Variants in EMILIN2 observed in about 807,000 individuals in gnomAD.
The protein encoded by EMILIN2 is EMILIN-2.
Under a neutral mutation model 87.1 loss-of-function variants are expected in EMILIN2, and 71 were observed. That is an observed-to-expected ratio of 0.82 (90% CI 0.67 to 0.99). The LOEUF is 0.99. Ranked by LOEUF, EMILIN2 falls within the 50% of genes least tolerant of loss-of-function variation. The pLI, the probability that EMILIN2 is intolerant of heterozygous loss-of-function variation, is 0.00. For synonymous variants in EMILIN2, 581 were observed against 563.4 expected, an observed-to-expected ratio of 1.03 and a Z score of -0.44; for missense variants, 1,407 against 1,371.8, an observed-to-expected ratio of 1.03 and a Z score of -0.40.
At chr18:2,906,402 G>GT (rs1382993827) in intron 4 of EMILIN2, 1 of 163,868 alleles carries the variant, frequency 6.1e-6, no homozygotes, top group Non-Finnish European at 1.3e-5. Flanking sequence ...GTGTGGTTCA[G>GT]AGACGGTGCG....
At chr18:2,907,476 G>A (rs936787804) in intron 5 of EMILIN2, among the ~76,000 whole-genome samples, 2 of 152,226 alleles carry the variant, frequency 1.3e-5, no homozygotes, top group Non-Finnish European at 2.9e-5. Flanking sequence ...ACGGGCTTCG[G>A]GACTTGGGGC....
intron 4 of EMILIN2, among the ~76,000 whole-genome samples, chr18:2,901,270 TCTC>T (rs1280159989): frequency 1.3e-5 from 2 of 152,142 alleles, no homozygotes; most frequent in Admixed American, 6.5e-5. Context: ...TTTCCCCAGG[TCTC>T]CTCCTGCAGC....
chr18:2,862,298 C>A (rs1386429304), intron 2 of EMILIN2, among the ~76,000 whole-genome samples: 2 of 152,168 alleles, frequency 1.3e-5, no homozygotes, highest in Non-Finnish European at 2.9e-5. Flanking sequence ...GAGAGGGCAT[C>A]CCTGTCTTGT....
chr18:2,871,472 G>A (rs1040130235), intron 2 of EMILIN2, among the ~76,000 whole-genome samples: 30 of 152,214 alleles, frequency 2.0e-4, no homozygotes, highest in Admixed American at 3.9e-4. Flanking sequence ...GGCACAGGAG[G>A]GACTCACTCA....
At chr18:2,912,858 A>G (rs1259396062) in intron 7 of EMILIN2, among the ~76,000 whole-genome samples, 2 of 152,170 alleles carry the variant, frequency 1.3e-5, no homozygotes, top group African/African-American at 4.8e-5. Flanking sequence ...CCCATGGCAA[A>G]AAGTGGTATG....
chr18:2,883,350 C>CCCG (rs2076786897), intron 2 of EMILIN2, among the ~76,000 whole-genome samples: 1 of 152,158 alleles, frequency 6.6e-6, no homozygotes, highest in Non-Finnish European at 1.5e-5. Flanking sequence ...CTGCTATTGT[C>CCCG]CCGCCTCCCC....
At chr18:2,883,371 C>T (rs915217696) in intron 2 of EMILIN2, among the ~76,000 whole-genome samples, 4 of 152,196 alleles carry the variant, frequency 2.6e-5, no homozygotes, top group African/African-American at 4.8e-5. Flanking sequence ...CCATGGGCAG[C>T]TCTCAGCAAC....
At chr18:2,857,940 C>T (rs549844607) in intron 2 of EMILIN2, among the ~76,000 whole-genome samples, 6 of 152,164 alleles carry the variant, frequency 3.9e-5, no homozygotes, top group South Asian at 4.1e-4. Context: ...TGGCCACTCT[C>T]GAGATTTGCG....
intron 4 of EMILIN2, among the ~76,000 whole-genome samples, chr18:2,897,204 A>G (rs2076867712): frequency 6.6e-6 from 1 of 152,168 alleles, no homozygotes; most frequent in African/African-American, 2.4e-5. Flanking sequence ...GTGAGAAACT[A>G]TTGAAGGATT....
chr18:2,887,560 T>C (rs2076809156), intron 3 of EMILIN2, among the ~76,000 whole-genome samples: 1 of 151,988 alleles, frequency 6.6e-6, no homozygotes, highest in Non-Finnish European at 1.5e-5. Flanking sequence ...TTGCTCCCTC[T>C]CGCTCCCTCT....
intron 2 of EMILIN2, among the ~76,000 whole-genome samples, chr18:2,867,409 G>T (rs1369486309): frequency 1.3e-5 from 2 of 151,696 alleles, no homozygotes; most frequent in African/African-American, 4.9e-5. Flanking sequence ...GGGGGATTTG[G>T]CAGGGTCATA....
chr18:2,860,808 G>A (rs368160885), intron 2 of EMILIN2, among the ~76,000 whole-genome samples: 12 of 152,084 alleles, frequency 7.9e-5, no homozygotes, highest in African/African-American at 1.4e-4. Context: ...CTGAGGAATC[G>A]CCACACTGAC....
chr18:2,852,964 A>G (rs979383297), intron 2 of EMILIN2, among the ~76,000 whole-genome samples: 3 of 152,186 alleles, frequency 2.0e-5, no homozygotes, highest in African/African-American at 7.2e-5. Flanking sequence ...GGATTGCTTC[A>G]ACAAAACATG....
intron 7 of EMILIN2, among the ~76,000 whole-genome samples, chr18:2,912,032 C>CTTTTTT (rs35260656): frequency 1.4e-5 from 1 of 73,150 alleles, no homozygotes; most frequent in Non-Finnish European, 2.7e-5. Flanking sequence ...CTGACAACCA[C>CTTTTTT]TTTTTTTTTT....
In EMILIN2 at chr18:2,913,537, G is replaced by A. The variant is rs893838560; in HGVS notation, c.*133G>A. ...GGCCCCAACATAAAGGCCTTCCCTC[G>A]CTGTTGAGGCCACCATGCCTTACTG... On this transcript the variant is annotated 3_prime_UTR_variant, in exon 8 of 8. Transcript: ENST00000254528. 2.7e-5 allele frequency: 19 copies of A among 693,468 alleles called. No individual in the cohort carries two copies. In the Middle Eastern group the frequency reaches 1.2e-3, roughly 44 times the overall value. The allele number at this position is 693,468 out of a possible 1,614,324, so 43.0% of individuals were successfully genotyped here.
chr18:2,902,343 C>T (rs2076891464), intron 4 of EMILIN2, among the ~76,000 whole-genome samples: 1 of 152,154 alleles, frequency 6.6e-6, no homozygotes. Context: ...TTAAGATGCT[C>T]AAGTACTCAT....
intron 2 of EMILIN2, among the ~76,000 whole-genome samples, chr18:2,873,631 C>T (rs1035304877): frequency 2.0e-5 from 3 of 151,838 alleles, no homozygotes; most frequent in Non-Finnish European, 4.4e-5. Flanking sequence ...GGCGTGAACC[C>T]GGGAGGCGGA....
intron 4 of EMILIN2, 55 bp downstream of exon 4, chr18:2,892,541 A>G (rs201199073): frequency 8.0e-6 from 12 of 1,506,530 alleles, no homozygotes; most frequent in Middle Eastern, 3.7e-4. Flanking sequence ...ACGCAACAAC[A>G]TTTTAAAAAT....
chr18:2,846,740 G>T, upstream of EMILIN2: 1 of 985,380 alleles, frequency 1.0e-6, no homozygotes. This position sits in a 1 kb window ranked among gnomAD's most constrained non-coding sequence, Gnocchi z 5.3. Context: ...CGAGCCTGTC[G>T]GAAGGTGGGA....
Sources: gnomAD v4.1 joint callset for allele counts (sites outside exome capture counted in the v4.1 genomes callset) on GRCh38, gnomAD v4.1.1 for gene constraint, Gnocchi (gnomAD v3.1) non-coding constraint, MANE v1.5 for transcripts, NCBI Gene and HGNC (gene_info 2026-07-23, HGNC 2026-07-21) for gene names.